Variants in PIWIL1 observed in about 807,000 individuals in gnomAD.
PIWIL1 encodes piwi-like protein 1.
PIWIL1 carries 73 observed loss-of-function variants against 114.4 expected under a neutral mutation model. The observed-to-expected ratio is 0.64, with a 90% CI of 0.53 to 0.78. PIWIL1 has a LOEUF of 0.78. Among genes scored for constraint, PIWIL1 ranks in the 30% least tolerant of loss-of-function variants. The pLI, the probability that PIWIL1 is intolerant of heterozygous loss-of-function variation, is 0.00. For missense variants in PIWIL1, 723 were observed against 1,063.1 expected, an observed-to-expected ratio of 0.68 and a Z score of 4.45; for synonymous variants, 375 against 369.0, an observed-to-expected ratio of 1.02 and a Z score of -0.19.
chr12:130,342,915 A>C (rs1159020504), intron 2 of PIWIL1, 75 bp from the exon 3 acceptor site: 2 of 1,022,582 alleles, frequency 2.0e-6, no homozygotes, highest in African/African-American at 3.2e-5. Context: ...AATTCCTGAG[A>C]CTTAAGACTA....
the PIWIL1 span, among the ~76,000 whole-genome samples, chr12:130,392,297 G>T: frequency 3.7e-5 from 5 of 134,736 alleles, no homozygotes; most frequent in South Asian, 2.6e-4. Flanking sequence ...ACGTTGTGAT[G>T]ACCCGGTCAC....
the PIWIL1 span, among the ~76,000 whole-genome samples, chr12:130,420,056 A>C: frequency 6.6e-6 from 1 of 152,222 alleles, no homozygotes; most frequent in Non-Finnish European, 1.5e-5. The surrounding 1 kb of genome is among the most constrained non-coding windows in gnomAD (Gnocchi z 4.3). Context: ...TTTGAAATAT[A>C]GATTTCTAAA....
chr12:130,381,779 G>T, the PIWIL1 span, among the ~76,000 whole-genome samples: 5 of 152,182 alleles, frequency 3.3e-5, no homozygotes, highest in African/African-American at 4.8e-5. Flanking sequence ...ACTAACAAAT[G>T]AGAGTTCCTG....
Position 130,361,512 on chromosome 12 carries a change from G to A in PIWIL1, c.1881G>A (p.Met627Ile), listed in dbSNP as rs1269315894. ...WRVDIPLKLV[M>I]IVGIDCYHDM... is the part of the protein sequence containing the mutation. ...TTGTATTGAAGCTGAAGCTCGTGAT[G>A]ATCGTTGGCATCGATTGTTACCATG... Residue 627 changes from methionine to isoleucine, a missense_variant, in exon 16 of 21, where the codon ATG (methionine) becomes ATA (isoleucine). Coordinates refer to ENST00000245255, the MANE Select transcript of PIWIL1 (RefSeq NM_004764.5). The A allele has an allele frequency of 6.2e-7, 1 of 1,614,184 alleles. No individual in the cohort carries two copies. Among genetic ancestry groups the A allele is most frequent in the East Asian group, 2.2e-5 (1 of 44,890 alleles).
At chr12:130,388,853 A>C in the PIWIL1 span, among the ~76,000 whole-genome samples, 1 of 152,134 alleles carries the variant, frequency 6.6e-6, no homozygotes, top group African/African-American at 2.4e-5. Flanking sequence ...CTATGTAGGC[A>C]GTTGTATCCT....
chr12:130,397,902 A>G, the PIWIL1 span: 1 of 171,182 alleles, frequency 5.8e-6, no homozygotes, highest in Non-Finnish European at 1.2e-5. Context: ...ACCCATCAGT[A>G]GTCTTAAAAA....
At chr12:130,418,526 G>C in the PIWIL1 span, among the ~76,000 whole-genome samples, 1 of 152,184 alleles carries the variant, frequency 6.6e-6, no homozygotes, top group South Asian at 2.1e-4. Flanking sequence ...GACCATGTCA[G>C]TGTGATCTAG....
the PIWIL1 span, among the ~76,000 whole-genome samples, chr12:130,402,759 G>A: frequency 1.4e-3 from 210 of 152,304 alleles, 2 homozygotes; most frequent in East Asian, 0.034. Flanking sequence ...CTGTGCCCCA[G>A]TCAGTGAGAC....
the PIWIL1 span, among the ~76,000 whole-genome samples, chr12:130,415,647 A>G: frequency 1.3e-5 from 1 of 78,808 alleles, no homozygotes; most frequent in South Asian, 4.8e-4. Flanking sequence ...TATAGGAAAC[A>G]AGAAGTCAAA....
At chr12:130,416,881 C>T in the PIWIL1 span, among the ~76,000 whole-genome samples, 2 of 151,898 alleles carry the variant, frequency 1.3e-5, no homozygotes, top group Non-Finnish European at 2.9e-5. Flanking sequence ...AAAATGACTC[C>T]ATTAAAAAGA....
chr12:130,356,850 G>T, intron 12 of PIWIL1, 68 bp from the exon 13 acceptor site: 1 of 1,092,050 alleles, frequency 9.2e-7, no homozygotes. Context: ...TAGAATTATT[G>T]AAGACTGTTT....
Position 130,349,927 on chromosome 12 carries a change from C to T in PIWIL1, c.1004C>T (p.Ala335Val). The change falls in exon 9 of 21, where the codon GCC (alanine) becomes GTC (valine). Residue 335 changes from alanine (A) to valine (V), a missense_variant. Transcript: ENST00000245255. ...DQNPKSTFKK[A>V]DGSEVSFLEY... ...AATCCCAAGAGCACCTTTAAGAAAGCCGACGGCTCTGAAGTCAGCTTCTTA... is the reference window on the plus strand; with the variant it reads ...AATCCCAAGAGCACCTTTAAGAAAGTCGACGGCTCTGAAGTCAGCTTCTTA... 1 of 1,612,980 alleles carries T rather than the reference C, an allele frequency of 6.2e-7. No individual in the cohort carries two copies. The highest frequency in any genetic ancestry group is 8.5e-7 in the Non-Finnish European group (1 of 1,179,252).
intron 18 of PIWIL1, 39 bp downstream of exon 18, chr12:130,363,183 A>G: frequency 6.3e-7 from 1 of 1,583,720 alleles, no homozygotes; most frequent in Non-Finnish European, 8.7e-7. Context: ...TTTTTATAAA[A>G]CTGCACCTTT....
At chr12:130,394,710 T>A in the PIWIL1 span, among the ~76,000 whole-genome samples, 1 of 151,466 alleles carries the variant, frequency 6.6e-6, no homozygotes, top group African/African-American at 2.4e-5. Flanking sequence ...TTTTCAAGAA[T>A]AAGAAAATAC....
chr12:130,342,192 C>CTGTGTGTG (rs1249220410), intron 1 of PIWIL1: 4 of 159,530 alleles, frequency 2.5e-5, no homozygotes, highest in Non-Finnish European at 3.9e-5. Context: ...GTGTGTGTGT[C>CTGTGTGTG]TGTGTATGGG....
At chr12:130,400,713 G>A in the PIWIL1 span, among the ~76,000 whole-genome samples, 1 of 152,176 alleles carries the variant, frequency 6.6e-6, no homozygotes, top group Non-Finnish European at 1.5e-5. Context: ...GGGAGAAAAT[G>A]TCTGCAAGTC....
At chr12:130,407,039 C>T in the PIWIL1 span, among the ~76,000 whole-genome samples, 4 of 152,204 alleles carry the variant, frequency 2.6e-5, no homozygotes, top group African/African-American at 7.2e-5. Flanking sequence ...CCAACTGACC[C>T]AGCACATTTC....
At position 130,371,751 on chromosome 12, in the gene PIWIL1, A is replaced by G. The variant is rs2073821584; in HGVS notation, c.*153A>G. ...CATTTTATTTCTAGCATTGCTATTC[A>G]CCGGCTTCCTTATTTTATACGTAAA... On this transcript the variant is annotated 3_prime_UTR_variant, in exon 21 of 21. Transcript: ENST00000245255. The G allele has an allele frequency of 6.4e-6, 3 of 470,568 alleles. No individual in the cohort carries two copies. The highest frequency in any genetic ancestry group is 7.6e-6 in the Non-Finnish European group (2 of 263,922). 29.1% of individuals were successfully genotyped at this position (470,568 alleles called of 1,614,324 possible).
At chr12:130,357,419 T>A (rs1288185210) in intron 13 of PIWIL1, 62 bp from the exon 14 acceptor site, 3 of 1,232,546 alleles carry the variant, frequency 2.4e-6, no homozygotes, top group African/African-American at 3.0e-5. Flanking sequence ...CAGGAAGGTG[T>A]TTATGCACGG....
Sources: gnomAD v4.1 joint callset for allele counts (sites outside exome capture counted in the v4.1 genomes callset) on GRCh38, gnomAD v4.1.1 for gene constraint, Gnocchi (gnomAD v3.1) non-coding constraint, MANE v1.5 for transcripts, NCBI Gene and HGNC (gene_info 2026-07-23, HGNC 2026-07-21) for gene names.